TTN: variants seen among roughly 807,000 people sequenced by gnomAD.
The protein encoded by TTN is connectin.
Under a neutral mutation model 3,223.0 loss-of-function variants are expected in TTN, and 1,525 were observed. That is an observed-to-expected ratio of 0.47 (90% CI 0.45 to 0.49). The LOEUF is 0.49. Ranked by LOEUF, TTN falls within the 20% of genes least tolerant of loss-of-function variation. TTN has a pLI of 0.00. For synonymous variants in TTN, 14,094 were observed against 15,161.0 expected (o/e 0.93, Z 5.17); for missense variants, 40,786 against 43,424.0 (o/e 0.94, Z 5.40).
Position 178,612,255 on chromosome 2 carries a change from A to G in TTN, c.50248+22T>C, listed in dbSNP as rs144537529. ...AAGTGCGAGAGCACTTATTGTCACA[A>G]AGATTAAGTGCAAGAGCATACTAAA... On this transcript the variant is annotated intron_variant, in intron 266 of 362. Transcript: ENST00000589042. 1.2e-4 allele frequency: 194 copies of G among 1,607,632 alleles called. No homozygotes were observed. The African/African-American group carries it at 2.3e-3, about 19-fold the overall frequency.
Position 178,592,922 on chromosome 2 carries a change from T to A in TTN, c.59197A>T (p.Thr19733Ser), listed in dbSNP as rs770662542. 1 of 1,613,390 alleles carries A rather than the reference T, an allele frequency of 6.2e-7. No homozygotes were observed. Among genetic ancestry groups the A allele is most frequent in the South Asian group, 1.1e-5 (1 of 91,072 alleles). ...TTAGTTTCAGGACATGACTCAGGGG[T>A]GTGATTGGCTCTTCTCCACTCTTCA... ...GDEEWRRANHTPESCPETKYK... is the reference protein window; with the variant it reads ...GDEEWRRANHSPESCPETKYK... Residue 19733 changes from threonine (T) to serine (S), a missense_variant, in exon 300 of 363, where the codon ACC (threonine) becomes TCC (serine). Coordinates refer to ENST00000589042, the MANE Select transcript of TTN (RefSeq NM_001267550.2).
chr2:178,611,054 A>G lies in TTN; in HGVS notation c.51075T>C (p.Tyr17025=), dbSNP rs2056218447. ...CGAGCTTATTCTCCAGTGTAATGGT[A>G]TAAATTCCGGCATCTGCACGGACAC... ...PKSVRADAGI[Y]TITLENKLGS... Residue 17025 remains tyrosine, a synonymous_variant, in exon 270 of 363, where the codon TAT becomes TAC. Transcript: ENST00000589042. 6.2e-7 allele frequency: 1 copy of G among 1,612,696 alleles called. No individual in the cohort carries two copies. The highest frequency in any genetic ancestry group is 8.5e-7 in the Non-Finnish European group (1 of 1,179,166).
intron 160 of TTN, 49 bp from the exon 161 acceptor site, chr2:178,667,574 T>C (rs1234526444): frequency 2.5e-6 from 4 of 1,580,934 alleles, no homozygotes; most frequent in Admixed American, 1.7e-5. Flanking sequence ...AAGAAAAATA[T>C]TGAGCTTTTT....
At chr2:178,790,667 A>G in intron 11 of TTN, 41 bp downstream of exon 11, 4 of 1,613,808 alleles carry the variant, frequency 2.5e-6, no homozygotes, top group Non-Finnish European at 3.4e-6. Context: ...TGCAAATGAA[A>G]TGGTGCAAGA....
chr2:178,641,295 C>T lies in TTN; in HGVS notation c.40579G>A (p.Glu13527Lys). ...TTAGGTTCTACTTTAGGTTCTTCTTCTTCAGGTCTTTTTCTTAGAACTTTA... is the reference window on the plus strand; with the variant it reads ...TTAGGTTCTACTTTAGGTTCTTCTTTTTCAGGTCTTTTTCTTAGAACTTTA... ...LKSVLRKRPE[E>K]EEPKVEPKKL... The change falls in exon 220 of 363, where the codon GAA (glutamate) becomes AAA (lysine). Residue 13527 changes from glutamate to lysine, a missense_variant. Transcript: ENST00000589042. 1.3e-6 allele frequency: 2 copies of T among 1,504,518 alleles called. No individual in the cohort carries two copies. The highest frequency in any genetic ancestry group is 1.8e-6 in the Non-Finnish European group (2 of 1,126,940). The allele number at this position is 1,504,518 out of a possible 1,614,324, so 93.2% of individuals were successfully genotyped here.
In TTN at chr2:178,528,270, T is replaced by C. The variant is rs755017454; in HGVS notation, c.107377+4A>G. On this transcript the variant is annotated splice_donor_region_variant and intron_variant, in intron 361 of 362. Transcript: ENST00000589042. ...GTAAGGAAGAAGGGTGAGGAGATAC[T>C]TACGAAGGACCATTAAGGAAGCTGT... 1 of 1,613,446 alleles carries C rather than the reference T, an allele frequency of 6.2e-7. No homozygotes were observed. Among genetic ancestry groups the C allele is most frequent in the Non-Finnish European group, 8.5e-7 (1 of 1,179,646 alleles).
intron 6 of TTN, chr2:178,798,700 C>T (rs2093897028): frequency 6.6e-6 from 1 of 152,122 alleles, no homozygotes; most frequent in African/African-American, 2.4e-5. Context: ...ATTCCAGTTA[C>T]CTATCAATAA....
Position 178,774,274 on chromosome 2 carries a change from C to A in TTN, c.6990G>T (p.Lys2330Asn). ...CAAAGCTGTATTCTCCCTGGTCCTC[C>A]TTGGTTACATCCTTGACCGTGAGGT... is the stretch of plus-strand genomic sequence containing the variant. ...RQNLTVKDVT[K>N]EDQGEYSFVI... Residue 2330 changes from lysine (K) to asparagine (N), a missense_variant, in exon 30 of 363, where the codon AAG becomes AAT. Coordinates refer to ENST00000589042, the MANE Select transcript of TTN (RefSeq NM_001267550.2). The A allele has an allele frequency of 1.9e-6, 3 of 1,614,108 alleles. No homozygotes were observed. Among genetic ancestry groups the A allele is most frequent in the Non-Finnish European group, 1.7e-6 (2 of 1,179,980 alleles).
rs922829895 is a variant in TTN, at chr2:178,543,359, A to G, written c.96614T>C (p.Val32205Ala). The G allele has an allele frequency of 6.2e-7, 1 of 1,613,842 alleles. No individual in the cohort carries two copies. The highest frequency in any genetic ancestry group is 8.5e-7 in the Non-Finnish European group (1 of 1,179,796). The change falls in exon 347 of 363, where the codon GTG becomes GCG. Residue 32205 changes from valine to alanine, a missense_variant. Coordinates refer to ENST00000589042, the MANE Select transcript of TTN (RefSeq NM_001267550.2). ...ATCGACCACTTCTAGCTTTGCAGGCACCAAAGGCACTTCTGAGACCAGTAC... is the reference window on the plus strand; with the variant it reads ...ATCGACCACTTCTAGCTTTGCAGGCGCCAAAGGCACTTCTGAGACCAGTAC... ...DAVLVSEVPLVPAKLEVVDVT... is the reference protein window; with the variant it reads ...DAVLVSEVPLAPAKLEVVDVT...
intron 133 of TTN, 83 bp from the exon 134 acceptor site, chr2:178,683,374 G>A: frequency 1.2e-6 from 1 of 813,568 alleles, no homozygotes; most frequent in Non-Finnish European, 1.9e-6. Context: ...AACAATTCAA[G>A]GACAAAGACA....
At chr2:178,676,172 C>T (rs1219006295) in intron 147 of TTN, 177 bp from the exon 148 acceptor site, 3 of 571,956 alleles carry the variant, frequency 5.2e-6, no homozygotes, top group East Asian at 2.9e-5. Context: ...AAGGGACCAG[C>T]AGCATATGTC....
In TTN at chr2:178,590,878, T is replaced by C. The variant is rs1159161091; in HGVS notation, c.60847A>G (p.Ile20283Val). The C allele has an allele frequency of 5.0e-6, 8 of 1,610,658 alleles. No individual in the cohort carries two copies. The highest frequency in any genetic ancestry group is 6.8e-6 in the Non-Finnish European group (8 of 1,177,384). Reference sequence around the variant, plus strand: ...GACACTGTTGCTGCATTTTCAGTAATGTCAGTAACCACTGGTTTACCAGGA... The same window carrying C: ...GACACTGTTGCTGCATTTTCAGTAACGTCAGTAACCACTGGTTTACCAGGA... ...SPPGKPVVTD[I>V]TENAATVSWT... Residue 20283 changes from isoleucine to valine, a missense_variant, in exon 304 of 363, where the codon ATT becomes GTT. Physicochemically the swap from Ile to Val is conservative, Grantham distance 29. Coordinates refer to ENST00000589042, the MANE Select transcript of TTN (RefSeq NM_001267550.2).
intron 8 of TTN, 117 bp from the exon 9 acceptor site, chr2:178,793,658 G>C: frequency 7.0e-7 from 1 of 1,431,548 alleles, no homozygotes; most frequent in African/African-American, 1.4e-5. Context: ...AAATTAGCTG[G>C]GTGTGGTGGC....
At chr2:178,650,857 T>C (rs1202013356) in intron 208 of TTN, 23 bp from the exon 209 acceptor site, 1 of 1,575,592 alleles carries the variant, frequency 6.3e-7, no homozygotes, top group Non-Finnish European at 8.6e-7. Flanking sequence ...TAATTCATTT[T>C]TCTTATGAGT....
Position 178,591,015 on chromosome 2 carries a change from T to C in TTN, c.60710A>G (p.Gln20237Arg). 1 of 1,613,500 alleles carries C rather than the reference T, an allele frequency of 6.2e-7. No individual in the cohort carries two copies. The highest frequency in any genetic ancestry group is 8.5e-7 in the Non-Finnish European group (1 of 1,179,554). Reference protein sequence around the residue: ...SKTKLKIPHLQKGCEYVFRVR... With the variant: ...SKTKLKIPHLRKGCEYVFRVR... ...TCGGAAAACATATTCACAGCCCTTC[T>C]GCAGATGTGGGATTTTCAGCTTTGT... Residue 20237 changes from glutamine to arginine, a missense_variant, in exon 304 of 363, where the codon CAG (glutamine) becomes CGG (arginine). Physicochemically the swap from Gln to Arg is conservative, Grantham distance 43. Transcript: ENST00000589042.
At chr2:178,670,428 TTACA>T in intron 156 of TTN, 133 bp from the exon 157 acceptor site, 2 of 421,676 alleles carry the variant, frequency 4.7e-6, no homozygotes, top group Non-Finnish European at 8.2e-6. Context: ...ATCAAATACA[TTACA>T]GTATTTCAAA....
Position 178,731,026 on chromosome 2 carries a change from A to T in TTN, c.17639T>A (p.Leu5880Gln), listed in dbSNP as rs1328429496. ...TTTCTTTTCTGTAGAAATAATCTTC[A>T]GTATTGAGACTGTATCAGTGACACT... ...KISVTDTVSI[L>Q]KIISTEKKDS... The change falls in exon 60 of 363, where the codon CTG (leucine) becomes CAG (glutamine). Residue 5880 changes from leucine (L) to glutamine (Q), a missense_variant. By Grantham distance (113) the Leu-to-Gln change is moderately radical (BLOSUM62 -2). Coordinates refer to ENST00000589042, the MANE Select transcript of TTN (RefSeq NM_001267550.2). The T allele has an allele frequency of 6.2e-7, 1 of 1,613,470 alleles. No homozygotes were observed. Among genetic ancestry groups the T allele is most frequent in the Non-Finnish European group, 8.5e-7 (1 of 1,179,672 alleles).
chr2:178,547,020 A>G lies in TTN; in HGVS notation c.94505T>C (p.Met31502Thr). ...ATACATACCAACTGGATTTTGAGCC[A>G]TTATAGGTCTTGAAGCTTCGCTGGC... is the stretch of plus-strand genomic sequence containing the variant. ...SKASEASRPI[M>T]AQNPVDAPGR... Residue 31502 changes from methionine (M) to threonine (T), a missense_variant, in exon 340 of 363, where the codon ATG becomes ACG. Coordinates refer to ENST00000589042, the MANE Select transcript of TTN (RefSeq NM_001267550.2). 6.2e-7 allele frequency: 1 copy of G among 1,611,890 alleles called. No individual in the cohort carries two copies. Among genetic ancestry groups the G allele is most frequent in the Non-Finnish European group, 8.5e-7 (1 of 1,178,358 alleles).
chr2:178,702,106 T>C, intron 108 of TTN, 40 bp from the exon 109 acceptor site: 11 of 1,612,972 alleles, frequency 6.8e-6, no homozygotes, highest in Non-Finnish European at 9.3e-6. Flanking sequence ...GTGTTCAGAA[T>C]GGTATAGGTA....
Sources: allele counts gnomAD v4.1 joint callset, GRCh38; gene constraint gnomAD v4.1.1; transcripts MANE v1.5; gene names NCBI Gene and HGNC (gene_info 2026-07-23, HGNC 2026-07-21).